The following SLC27A4 variants were observed in gnomAD, a reference collection of about 807,000 sequenced individuals.
SLC27A4 encodes the protein solute carrier family 27 member 4.
In SLC27A4, 33 loss-of-function variants were observed where a neutral mutation model predicts 64.4. That is an observed-to-expected ratio of 0.51 (90% CI 0.39 to 0.68). The LOEUF (loss-of-function observed/expected upper bound fraction) is 0.68, where lower values mean the gene tolerates loss of function less well. Among genes scored for constraint, SLC27A4 ranks in the 30% least tolerant of loss-of-function variants. The pLI, the probability that SLC27A4 is intolerant of heterozygous loss-of-function variation, is 0.00. For synonymous variants in SLC27A4, 377 were observed against 370.0 expected, an observed-to-expected ratio of 1.02 and a Z score of -0.22; for missense variants, 824 against 883.5, an observed-to-expected ratio of 0.93 and a Z score of 0.85.
At position 128,355,722 on chromosome 9, in the gene SLC27A4, A is replaced by G. The variant is rs765686527; in HGVS notation, c.1700A>G (p.Gln567Arg). Residue 567 changes from glutamine (Q) to arginine (R), a missense_variant, in exon 12 of 13, where the codon CAG (glutamine) becomes CGG (arginine). Transcript: ENST00000300456. ...TGNCDLERFA[Q>R]VLEKELPLYA... ...AACTGTGACCTGGAGCGCTTTGCTCAGGTCTTGGAGAAGGAACTGCCCCTG... is the reference window on the plus strand; with the variant it reads ...AACTGTGACCTGGAGCGCTTTGCTCGGGTCTTGGAGAAGGAACTGCCCCTG... The G allele has an allele frequency of 6.2e-7, 1 of 1,613,638 alleles. No individual in the cohort carries two copies. Among genetic ancestry groups the G allele is most frequent in the Non-Finnish European group, 8.5e-7 (1 of 1,180,020 alleles).
At position 128,345,277 on chromosome 9, in the gene SLC27A4, T is replaced by C. The variant is rs772254154; in HGVS notation, c.284T>C (p.Phe95Ser). ...CACCCCGACAAGACGGCCCTGATCT[T>C]CGAGGGCACAGATACCCACTGGACC... ...RRHPDKTALI[F>S]EGTDTHWTFR... Residue 95 changes from phenylalanine (F) to serine (S), a missense_variant, in exon 3 of 13, where the codon TTC (phenylalanine) becomes TCC (serine). Phe to Ser is a radical substitution (Grantham distance 155, BLOSUM62 -2). Transcript: ENST00000300456. The surrounding 1 kb of genome is among the most constrained non-coding windows in gnomAD (Gnocchi z 4.1). 2 of 1,613,908 alleles carry C rather than the reference T, an allele frequency of 1.2e-6. No individual in the cohort carries two copies. The highest frequency in any genetic ancestry group is 1.1e-5 in the South Asian group (1 of 91,068).
intron 6 of SLC27A4, among the ~76,000 whole-genome samples, chr9:128,350,860 G>C (rs1832725130): frequency 6.6e-6 from 1 of 152,242 alleles, no homozygotes; most frequent in African/African-American, 2.4e-5. Flanking sequence ...GAGAGGCCAA[G>C]GTGGGCGGAT....
Position 128,359,389 on chromosome 9 carries a change from C to T in SLC27A4, c.1775-945C>T, listed in dbSNP as rs370585995. On this transcript the variant is annotated intron_variant, in intron 12 of 12. Transcript: ENST00000300456. The stretch of plus-strand genomic sequence containing the variant: ...CTGTAATCCCAGCACTTTGGGAGGT[C>T]GAGGAGGGTGGATCATCTGAGATCA... 5.9e-5 allele frequency among the ~76,000 whole-genome samples: 9 copies of T among 152,068 alleles called. No individual in the cohort carries two copies. In the South Asian group the frequency reaches 8.3e-4, roughly 14 times the overall value.
intron 3 of SLC27A4, among the ~76,000 whole-genome samples, chr9:128,347,951 G>A (rs903197775): frequency 3.7e-4 from 56 of 151,958 alleles, no homozygotes; most frequent in African/African-American, 1.3e-3. Context: ...AGCCAGGGAA[G>A]AAGAGAGGGT....
At chr9:128,348,839 C>G in intron 4 of SLC27A4, 136 bp downstream of exon 4, 1 of 896,704 alleles carries the variant, frequency 1.1e-6, no homozygotes, top group Non-Finnish European at 1.7e-6. Flanking sequence ...CTTTTTCCAT[C>G]TGGAAAATGG....
Position 128,356,526 on chromosome 9 carries a change from G to A in SLC27A4, c.1774+730G>A, listed in dbSNP as rs530266603. Reference sequence around the variant, plus strand: ...CAGAAGCATCTCAGCAAGGCCGGGCGCAGTGGCTCATGCCTGTAATCCCGG... The same window carrying A: ...CAGAAGCATCTCAGCAAGGCCGGGCACAGTGGCTCATGCCTGTAATCCCGG... On this transcript the variant is annotated intron_variant, in intron 12 of 12. Transcript: ENST00000300456. Among the ~76,000 whole-genome samples the A allele has an allele frequency of 1.4e-4, 22 of 152,358 alleles. No individual in the cohort carries two copies. The South Asian group carries it at 2.7e-3, about 19-fold the overall frequency.
chr9:128,346,825 C>T (rs1159698205), intron 3 of SLC27A4, among the ~76,000 whole-genome samples: 1 of 151,548 alleles, frequency 6.6e-6, no homozygotes, highest in Non-Finnish European at 1.5e-5. Flanking sequence ...CATGGTGAAA[C>T]CCCGTCTCTA....
Position 128,353,597 on chromosome 9 carries a change from G to T in SLC27A4, c.1324+56G>T. On this transcript the variant is annotated intron_variant, in intron 9 of 12. Coordinates refer to ENST00000300456, the MANE Select transcript of SLC27A4 (RefSeq NM_005094.4). This position sits in a 1 kb window ranked among gnomAD's most constrained non-coding sequence, Gnocchi z 4.9. ...GTTGGCCTGGGAAGGAAGGAGGCCA[G>T]GCGCGTGTGGATGGGGAGCCTTGTT... 6.3e-7 allele frequency: 1 copy of T among 1,591,976 alleles called. No homozygotes were observed. The highest frequency in any genetic ancestry group is 1.7e-5 in the Admixed American group (1 of 59,498).
In SLC27A4 at chr9:128,355,140, AG is replaced by A; in HGVS notation, c.1413del (p.Lys472ArgfsTer21). On this transcript the variant is annotated frameshift_variant, in exon 10 of 13. Transcript: ENST00000300456. LOFTEE classifies it high-confidence loss of function. ...DGYLNQGANN[K>X]KIAKDVFKKG... ...TACCTCAACCAGGGCGCCAACAACAAGAAGATTGCCAAGGATGTCTTCAAGA... is the reference window on the plus strand; with the variant it reads ...TACCTCAACCAGGGCGCCAACAACAAAAGATTGCCAAGGATGTCTTCAAGA... The A allele has an allele frequency of 6.2e-7, 1 of 1,613,612 alleles. No individual in the cohort carries two copies. Among genetic ancestry groups the A allele is most frequent in the Non-Finnish European group, 8.5e-7 (1 of 1,179,822 alleles).
intron 12 of SLC27A4, among the ~76,000 whole-genome samples, chr9:128,358,681 A>G (rs1832855381): frequency 6.6e-6 from 1 of 152,198 alleles, no homozygotes. Context: ...TCCTGACCTC[A>G]GGTGATCCGC....
At chr9:128,358,529 T>C (rs1018674118) in intron 12 of SLC27A4, among the ~76,000 whole-genome samples, 1 of 152,234 alleles carries the variant, frequency 6.6e-6, no homozygotes, top group Non-Finnish European at 1.5e-5. Context: ...CTGCAACCTT[T>C]GCCTCCTGGG....
intron 4 of SLC27A4, among the ~76,000 whole-genome samples, chr9:128,349,254 C>A (rs916337199): frequency 2.0e-5 from 3 of 152,168 alleles, no homozygotes; most frequent in Non-Finnish European, 2.9e-5. Flanking sequence ...ATTCTCTTTC[C>A]TGTGAAGCCA....
At position 128,353,364 on chromosome 9, in the gene SLC27A4, A is replaced by G. The variant is rs755744055; in HGVS notation, c.1198-51A>G. ...GAGTCCCACTTCCCCCTCATTGTCCAGTTTTGGGCCCATGGTGAGAGAGCC... is the reference window on the plus strand; with the variant it reads ...GAGTCCCACTTCCCCCTCATTGTCCGGTTTTGGGCCCATGGTGAGAGAGCC... On this transcript the variant is annotated intron_variant, in intron 8 of 12. Coordinates refer to ENST00000300456, the MANE Select transcript of SLC27A4 (RefSeq NM_005094.4). This position sits in a 1 kb window ranked among gnomAD's most constrained non-coding sequence, Gnocchi z 4.9. 3.1e-6 allele frequency: 5 copies of G among 1,613,996 alleles called. No individual in the cohort carries two copies. The highest frequency in any genetic ancestry group is 2.7e-5 in the African/African-American group (2 of 75,012).
At chr9:128,343,430 G>C in intron 2 of SLC27A4, 137 bp downstream of exon 2, 1 of 968,290 alleles carries the variant, frequency 1.0e-6, no homozygotes, top group Non-Finnish European at 1.6e-6. Context: ...AGCAGCCTCT[G>C]CTCCACACCC....
In SLC27A4 at chr9:128,360,449, A is replaced by G; in HGVS notation, c.1890A>G (p.Gln630=). The change falls in exon 13 of 13, where the codon CAA becomes CAG. Residue 630 remains glutamine, a synonymous_variant. Coordinates refer to ENST00000300456, the MANE Select transcript of SLC27A4 (RefSeq NM_005094.4). ...AGGGCCGCTACGTCCCGCTGGACCAAGAGGCCTACAGCCGCATCCAGGCAG... is the reference window on the plus strand; with the variant it reads ...AGGGCCGCTACGTCCCGCTGGACCAGGAGGCCTACAGCCGCATCCAGGCAG... ...AQKGRYVPLD[Q]EAYSRIQAGE... 1 of 1,614,070 alleles carries G rather than the reference A, an allele frequency of 6.2e-7. No individual in the cohort carries two copies.
rs1031797733 is a variant in SLC27A4, at chr9:128,348,757, C to T, written c.715+54C>T. 5.2e-5 allele frequency: 82 copies of T among 1,578,722 alleles called. 1 individual carries two copies. Among genetic ancestry groups the T allele is most frequent in the South Asian group, 3.9e-4 (35 of 90,316 alleles). ...GCTCTCACACAGGCCCTGGACAGAG[C>T]ACTGGCCTCAGTGCCAGAAGGAGGC... is the stretch of plus-strand genomic sequence containing the variant. On this transcript the variant is annotated intron_variant, in intron 4 of 12. Coordinates refer to ENST00000300456, the MANE Select transcript of SLC27A4 (RefSeq NM_005094.4).
chr9:128,360,196 A>G (rs1832876867), intron 12 of SLC27A4, 138 bp from the exon 13 acceptor site: 1 of 990,184 alleles, frequency 1.0e-6, no homozygotes, highest in Non-Finnish European at 1.6e-6. Context: ...GCAAACTGTA[A>G]AGGGCTGTGC....
chr9:128,360,282 C>G, intron 12 of SLC27A4, 52 bp from the exon 13 acceptor site: 2 of 1,607,890 alleles, frequency 1.2e-6, no homozygotes, highest in Non-Finnish European at 1.7e-6. Flanking sequence ...GGTTGGGAAG[C>G]TGGGAGCTCG....
intron 6 of SLC27A4, among the ~76,000 whole-genome samples, chr9:128,352,096 G>T (rs1832745526): frequency 6.6e-6 from 1 of 151,786 alleles, no homozygotes; most frequent in Non-Finnish European, 1.5e-5. Context: ...TCGGGAGGAT[G>T]ATGCAGGAGA....
Sources: allele counts gnomAD v4.1 joint callset (sites outside exome capture counted in the v4.1 genomes callset), GRCh38; gene constraint gnomAD v4.1.1; non-coding constraint Gnocchi (gnomAD v3.1); transcripts MANE v1.5; gene names NCBI Gene and HGNC (gene_info 2026-07-23, HGNC 2026-07-21).